FSTL5: variants seen among roughly 807,000 people sequenced by gnomAD.
FSTL5 encodes follistatin-related protein 5.
A neutral mutation model predicts 89.1 loss-of-function variants in FSTL5; 62 were observed. The ratio of observed to expected loss-of-function variants is 0.70; its 90% CI spans 0.57 to 0.86. The LOEUF is 0.86. FSTL5 is among the 40% of genes least tolerant of loss of function. The pLI is 0.00. For missense variants in FSTL5, 1,057 were observed against 1,001.6 expected (o/e 1.06, Z -0.75); for synonymous variants, 383 against 346.2 (o/e 1.11, Z -1.18).
At chr4:161,459,422 T>G in intron 13 of FSTL5, 103 bp from the exon 14 acceptor site, 1 of 649,888 alleles carries the variant, frequency 1.5e-6, no homozygotes, top group Admixed American at 2.8e-5. Flanking sequence ...GATTAAAAAT[T>G]TAATTTGCCA....
chr4:161,699,274 C>A (rs1738290542), intron 6 of FSTL5, among the ~76,000 whole-genome samples: 1 of 152,050 alleles, frequency 6.6e-6, no homozygotes, highest in African/African-American at 2.4e-5. Context: ...TTTTTGTGAA[C>A]CTATGATGTA....
rs763770404 is a variant in FSTL5, at chr4:162,022,094, GA to G, written c.160+11530del. 8.4e-3 allele frequency among the ~76,000 whole-genome samples: 1,024 copies of G among 121,998 alleles called. 3 individuals are homozygous for G. The highest frequency in any genetic ancestry group is 0.022 in the African/African-American group (725 of 33,698). The allele number at this position is 121,998 out of a possible 152,430, so 80.0% of individuals were successfully genotyped here. A position where few individuals can be genotyped will look rare whatever the true frequency, so the allele number is the denominator to read the frequency against. On this transcript the variant is annotated intron_variant, in intron 3 of 15. Transcript: ENST00000306100. ...TGACAGAGCAAGACTCTGTCTCAGG[GA>G]AAAAAAAAAAAAAAAGTTACTTAAT...
intron 8 of FSTL5, among the ~76,000 whole-genome samples, chr4:161,559,767 C>A (rs1034899050): frequency 1.3e-5 from 2 of 151,866 alleles, no homozygotes; most frequent in African/African-American, 2.4e-5. Flanking sequence ...GAAGGTGCTA[C>A]GTTCTGAGAA....
intron 15 of FSTL5, among the ~76,000 whole-genome samples, chr4:161,406,035 G>T (rs1731363060): frequency 6.6e-6 from 1 of 152,026 alleles, no homozygotes; most frequent in Non-Finnish European, 1.5e-5. Flanking sequence ...TCTTAAAGCT[G>T]TCCTGAAGAC....
At chr4:162,078,342 T>C (rs1409038441) in intron 2 of FSTL5, among the ~76,000 whole-genome samples, 1 of 151,926 alleles carries the variant, frequency 6.6e-6, no homozygotes, top group Non-Finnish European at 1.5e-5. Context: ...TCACTGGTCT[T>C]ACCATGAATC....
At chr4:162,143,809 C>A (rs1444181905) in intron 1 of FSTL5, among the ~76,000 whole-genome samples, 52 of 139,582 alleles carry the variant, frequency 3.7e-4, no homozygotes, top group Non-Finnish European at 4.8e-4. Flanking sequence ...CACACACACA[C>A]ACACACACAC....
At chr4:162,030,375 G>C (rs1487043481) in intron 3 of FSTL5, among the ~76,000 whole-genome samples, 2 of 152,056 alleles carry the variant, frequency 1.3e-5, no homozygotes, top group Non-Finnish European at 2.9e-5. Flanking sequence ...GAAAATATAA[G>C]TATTAAAATA....
chr4:161,460,656 C>T (rs541119031), intron 13 of FSTL5, among the ~76,000 whole-genome samples: 2 of 151,844 alleles, frequency 1.3e-5, no homozygotes, highest in Non-Finnish European at 2.9e-5. Context: ...AAAATAATGC[C>T]CTTCATTTTG....
intron 4 of FSTL5, among the ~76,000 whole-genome samples, chr4:161,859,649 A>G (rs1310750562): frequency 2.0e-5 from 3 of 152,230 alleles, no homozygotes; most frequent in Admixed American, 6.5e-5. Context: ...TGCTGGAAAA[A>G]AATAATGAAT....
At chr4:161,667,684 G>A (rs922119663) in intron 6 of FSTL5, among the ~76,000 whole-genome samples, 1 of 152,068 alleles carries the variant, frequency 6.6e-6, no homozygotes, top group Non-Finnish European at 1.5e-5. Context: ...CAACTGCCCT[G>A]TGAAGTACAT....
rs1578910074 is a variant in FSTL5 at position 161,976,553 on chromosome 4, C to T, written c.161-55901G>A. ...CTGGAGTGCAGTGGTGCCATCTCGG[C>T]TCACTGCAAGCTCCGCCTTCCGTGT... On this transcript the variant is annotated intron_variant, in intron 3 of 15. Coordinates refer to ENST00000306100, the MANE Select transcript of FSTL5 (RefSeq NM_020116.5). Among the ~76,000 whole-genome samples the T allele has an allele frequency of 3.9e-5, 6 of 152,256 alleles. No homozygotes were observed. The South Asian group carries it at 1.2e-3, about 32-fold the overall frequency.
intron 6 of FSTL5, among the ~76,000 whole-genome samples, chr4:161,755,062 T>C (rs551252249): frequency 6.4e-4 from 98 of 152,182 alleles, no homozygotes; most frequent in African/African-American, 2.2e-3. Context: ...GAATTTGGTA[T>C]TTCCTCTCTA....
At chr4:161,541,457 T>A (rs1346754102) in intron 9 of FSTL5, among the ~76,000 whole-genome samples, 2 of 150,650 alleles carry the variant, frequency 1.3e-5, no homozygotes, top group African/African-American at 5.0e-5. Flanking sequence ...ATAAGTCTTC[T>A]CCTCTCAGAT....
chr4:161,847,887 T>C (rs1021664346), intron 4 of FSTL5, among the ~76,000 whole-genome samples: 1 of 150,930 alleles, frequency 6.6e-6, no homozygotes, highest in Non-Finnish European at 1.5e-5. Context: ...AATACAAAAA[T>C]TATCTGGGTG....
At chr4:162,103,272 G>T (rs918891526) in intron 2 of FSTL5, among the ~76,000 whole-genome samples, 1 of 152,110 alleles carries the variant, frequency 6.6e-6, no homozygotes, top group African/African-American at 2.4e-5. Flanking sequence ...CACATTCAAA[G>T]GTCAACAAAA....
chr4:161,905,246 C>A (rs1267886821), intron 4 of FSTL5, among the ~76,000 whole-genome samples: 1 of 152,026 alleles, frequency 6.6e-6, no homozygotes, highest in Admixed American at 6.6e-5. Flanking sequence ...AATTTATATA[C>A]AATTTCATAG....
At chr4:161,601,229 G>C (rs144303077) in intron 7 of FSTL5, among the ~76,000 whole-genome samples, 4 of 149,996 alleles carry the variant, frequency 2.7e-5, no homozygotes, top group Admixed American at 6.7e-5. Flanking sequence ...CTGGTGTTGA[G>C]TAACAGCTCA....
At chr4:162,093,263 T>G (rs1268909951) in intron 2 of FSTL5, among the ~76,000 whole-genome samples, 2 of 152,270 alleles carry the variant, frequency 1.3e-5, no homozygotes, top group African/African-American at 2.4e-5. Flanking sequence ...CTTTCTTTAT[T>G]TCTTAAATGT....
intron 4 of FSTL5, among the ~76,000 whole-genome samples, chr4:161,802,285 C>G (rs1459782524): frequency 6.6e-6 from 1 of 151,602 alleles, no homozygotes; most frequent in African/African-American, 2.4e-5. Context: ...TTGATTATAA[C>G]CACTCTAAGC....
Sources: gnomAD v4.1 joint callset for allele counts (sites outside exome capture counted in the v4.1 genomes callset) on GRCh38, gnomAD v4.1.1 for gene constraint, MANE v1.5 for transcripts, NCBI Gene and HGNC (gene_info 2026-07-23, HGNC 2026-07-21) for gene names.